GXYLT2: variants seen among roughly 807,000 people sequenced by gnomAD.
The protein encoded by GXYLT2 is glucoside xylosyltransferase 2.
Under a neutral mutation model 45.8 loss-of-function variants are expected in GXYLT2, and 53 were observed. The ratio of observed to expected loss-of-function variants is 1.16; its 90% confidence interval spans 0.93 to 1.46. GXYLT2 has a LOEUF of 1.46. GXYLT2 is among the 40% of genes most tolerant of loss of function. The probability of loss-of-function intolerance (pLI) is 0.00; values close to 1 mark genes in which losing one functional copy is unlikely to be tolerated. For missense variants in GXYLT2, 551 were observed against 544.4 expected, an observed-to-expected ratio of 1.01 and a Z score of -0.12; for synonymous variants, 219 against 214.2, an observed-to-expected ratio of 1.02 and a Z score of -0.19.
chr3:72,929,912 A>T (rs1709995462), intron 3 of GXYLT2, among the ~76,000 whole-genome samples: 2 of 152,218 alleles, frequency 1.3e-5, no homozygotes, highest in Admixed American at 1.3e-4. Context: ...CATGCCTGTA[A>T]TCCCAGCACT....
chr3:72,888,577 C>A, intron 1 of GXYLT2, 69 bp downstream of exon 1: 1 of 1,014,584 alleles, frequency 9.9e-7, no homozygotes, highest in South Asian at 4.8e-5. Context: ...GTGCCAAGTC[C>A]AAGGGAGGCT....
rs537482249 is a variant in GXYLT2, at chr3:72,940,287, C to T, written c.601-14811C>T. 2.0e-5 allele frequency among the ~76,000 whole-genome samples: 3 copies of T among 152,290 alleles called. No homozygotes were observed. In the South Asian group the frequency reaches 6.2e-4, roughly 32 times the overall value. On this transcript the variant is annotated intron_variant, in intron 3 of 6. Coordinates refer to ENST00000389617, the MANE Select transcript of GXYLT2 (RefSeq NM_001080393.2). ...TATGTGACTGGCCCTAGAAGTATGA[C>T]TGTGAATAAGATATCCAAATATCCT... is the stretch of plus-strand genomic sequence containing the variant.
rs186867681 is a variant in GXYLT2 at position 72,928,979 on chromosome 3, G to A, written c.600+6644G>A. On this transcript the variant is annotated intron_variant, in intron 3 of 6. Transcript: ENST00000389617. ...ACCACTTCACCGCGCCCTCGGTACC[G>A]CCCCAAGGCCCGCCGCCGCTCCAGC... 2.3e-3 allele frequency: 2,259 copies of A among 992,660 alleles called. 17 individuals are homozygous for A. The African/African-American group carries it at 0.031, about 14-fold the overall frequency. 61.5% of individuals were successfully genotyped at this position (992,660 alleles called of 1,614,324 possible). A position where few individuals can be genotyped will look rare whatever the true frequency, so the allele number is the denominator to read the frequency against.
At chr3:72,933,484 C>T (rs1007647304) in intron 3 of GXYLT2, among the ~76,000 whole-genome samples, 9 of 152,104 alleles carry the variant, frequency 5.9e-5, no homozygotes, top group South Asian at 4.2e-4. Context: ...CTTACTGTAA[C>T]GTAGTTCTTT....
At chr3:72,912,795 G>A (rs1234389636) in intron 2 of GXYLT2, among the ~76,000 whole-genome samples, 2 of 152,094 alleles carry the variant, frequency 1.3e-5, no homozygotes, top group Non-Finnish European at 2.9e-5. Flanking sequence ...GAGTCAACCT[G>A]TCCCCTCCTC....
At position 72,922,236 on chromosome 3, in the gene GXYLT2, G is replaced by A; in HGVS notation, c.501G>A (p.Lys167=). The change falls in exon 3 of 7, where the codon AAG becomes AAA. Residue 167 remains lysine (K), a synonymous_variant. Coordinates refer to ENST00000389617, the MANE Select transcript of GXYLT2 (RefSeq NM_001080393.2). ...AGTGGCCTGACTCATATACAAAGAA[G>A]TTTGAGCACAGAATCTACCCCATCA... The part of the protein sequence containing the change: ...LRQWPDSYTK[K]FEHRIYPITF... The A allele has an allele frequency of 6.2e-7, 1 of 1,613,686 alleles. No individual in the cohort carries two copies. Among genetic ancestry groups the A allele is most frequent in the Non-Finnish European group, 8.5e-7 (1 of 1,179,724 alleles).
intron 3 of GXYLT2, among the ~76,000 whole-genome samples, chr3:72,951,088 C>G (rs967791077): frequency 1.3e-5 from 2 of 152,150 alleles, no homozygotes; most frequent in African/African-American, 4.8e-5. Context: ...GATAAATATC[C>G]CACATCCCAT....
intron 2 of GXYLT2, among the ~76,000 whole-genome samples, chr3:72,918,700 G>A (rs1180790013): frequency 3.3e-5 from 5 of 151,978 alleles, no homozygotes; most frequent in South Asian, 2.1e-4. Context: ...AGTAGTGCGC[G>A]TCTACTCGGG....
At chr3:72,921,099 G>T (rs2107099829) in intron 2 of GXYLT2, among the ~76,000 whole-genome samples, 1 of 152,094 alleles carries the variant, frequency 6.6e-6, no homozygotes, top group African/African-American at 2.4e-5. Flanking sequence ...GAGATTACAG[G>T]TGTGAGCCAC....
At chr3:72,926,272 C>G (rs752423731) in intron 3 of GXYLT2, among the ~76,000 whole-genome samples, 27 of 152,158 alleles carry the variant, frequency 1.8e-4, no homozygotes, top group Non-Finnish European at 3.2e-4. Context: ...CAATTAGATT[C>G]TCAGGTACAA....
intron 4 of GXYLT2, 126 bp from the exon 5 acceptor site, chr3:72,957,103 G>A: frequency 2.0e-6 from 2 of 977,394 alleles, no homozygotes; most frequent in Non-Finnish European, 2.9e-6. Flanking sequence ...CCTGAGAATA[G>A]CAGGACCCCT....
At chr3:72,939,413 T>C (rs9858579) in intron 3 of GXYLT2, among the ~76,000 whole-genome samples, 92,193 of 151,846 alleles carry the variant, frequency 0.61, 28,166 homozygotes, top group Admixed American at 0.66. Context: ...CCAGCCTGGG[T>C]GACAGAGCAA....
intron 5 of GXYLT2, among the ~76,000 whole-genome samples, chr3:72,966,458 CTTT>C (rs10662974): frequency 9.8e-6 from 1 of 101,640 alleles, no homozygotes; most frequent in African/African-American, 4.0e-5. Flanking sequence ...TTGTGTGTAT[CTTT>C]TTTTTTTTTT....
intron 1 of GXYLT2, among the ~76,000 whole-genome samples, chr3:72,902,629 G>A (rs2107070809): frequency 6.6e-6 from 1 of 152,226 alleles, no homozygotes; most frequent in South Asian, 2.1e-4. Flanking sequence ...TTGAGCCCAG[G>A]AGTTCAGTCT....
At chr3:72,908,670 C>A in intron 2 of GXYLT2, 111 bp downstream of exon 2, 1 of 854,316 alleles carries the variant, frequency 1.2e-6, no homozygotes, top group Non-Finnish European at 1.8e-6. Flanking sequence ...AATTGTGTGA[C>A]TTTGAACACT....
intron 3 of GXYLT2, among the ~76,000 whole-genome samples, chr3:72,925,242 C>T (rs1260355819): frequency 6.6e-6 from 1 of 151,694 alleles, no homozygotes; most frequent in Non-Finnish European, 1.5e-5. Context: ...CTGCAACCTC[C>T]ACCTCCTGGG....
chr3:72,925,836 G>C (rs960608767), intron 3 of GXYLT2, among the ~76,000 whole-genome samples: 1 of 152,140 alleles, frequency 6.6e-6, no homozygotes, highest in Admixed American at 6.5e-5. Context: ...AATGACAAAT[G>C]GGTGCTGGCA....
At chr3:72,905,064 CAAAAAAAA>C (rs1177216917) in intron 1 of GXYLT2, among the ~76,000 whole-genome samples, 9 of 36,242 alleles carry the variant, frequency 2.5e-4, no homozygotes, top group Non-Finnish European at 4.7e-4. Flanking sequence ...GATTCTGTCT[CAAAAAAAA>C]AAAAAAAAAA....
intron 3 of GXYLT2, among the ~76,000 whole-genome samples, chr3:72,953,095 C>T (rs976941399): frequency 6.6e-6 from 1 of 152,060 alleles, no homozygotes; most frequent in Non-Finnish European, 1.5e-5. Context: ...ACTAATTTAC[C>T]TAAGGTGGCT....
Sources: allele counts gnomAD v4.1 joint callset (sites outside exome capture counted in the v4.1 genomes callset), GRCh38; gene constraint gnomAD v4.1.1; transcripts MANE v1.5; gene names NCBI Gene and HGNC (gene_info 2026-07-23, HGNC 2026-07-21).